AGL: variants seen among roughly 807,000 people sequenced by gnomAD.
The protein encoded by AGL is amylo-alpha-1,6-glucosidase and 4-alpha-glucanotransferase, also known as glycogen debranching enzyme.
AGL carries 128 observed loss-of-function variants against 199.3 expected under a neutral mutation model. The ratio of observed to expected loss-of-function variants is 0.64; its 90% CI spans 0.56 to 0.74. AGL has a LOEUF of 0.74. AGL is among the 30% of genes least tolerant of loss of function. AGL has a pLI of 0.00. For missense variants in AGL, 1,809 were observed against 1,820.8 expected (o/e 0.99, Z 0.12); for synonymous variants, 584 against 594.7 (o/e 0.98, Z 0.26).
At chr1:99,859,354 GTT>G (rs3834029) in intron 2 of AGL, among the ~76,000 whole-genome samples, 6 of 144,346 alleles carry the variant, frequency 4.2e-5, no homozygotes, top group African/African-American at 1.5e-4. Flanking sequence ...TTTTTTCTGT[GTT>G]TTTTTTTTAA....
At chr1:99,865,375 TTA>T (rs1650422376) in intron 5 of AGL, among the ~76,000 whole-genome samples, 1 of 152,214 alleles carries the variant, frequency 6.6e-6, no homozygotes, top group Non-Finnish European at 1.5e-5. Flanking sequence ...GAGAAACTTA[TTA>T]GTAAACTCTC....
chr1:99,854,902 T>A (rs1223020636), intron 2 of AGL, among the ~76,000 whole-genome samples: 1 of 151,784 alleles, frequency 6.6e-6, no homozygotes, highest in Non-Finnish European at 1.5e-5. Flanking sequence ...CAGCCTGAGT[T>A]GAAAAAGAGA....
At chr1:99,900,410 G>A (rs1653731746) in intron 25 of AGL, among the ~76,000 whole-genome samples, 1 of 152,130 alleles carries the variant, frequency 6.6e-6, no homozygotes, top group African/African-American at 2.4e-5. Context: ...ATCAGAGAGG[G>A]AGTCACACAG....
At position 99,916,701 on chromosome 1, in the gene AGL, T is replaced by A; in HGVS notation, c.4451T>A (p.Val1484Asp). ...TAKTIVLVKN[V>D]LSRHYVHLER... ...AAGACTATAGTTTTGGTTAAAAATG[T>A]TCTTTCCCGACATTATGTTCATCTT... The change falls in exon 33 of 34, where the codon GTT (valine) becomes GAT (aspartate). Residue 1484 changes from valine (V) to aspartate (D), a missense_variant. Coordinates refer to ENST00000361915, the MANE Select transcript of AGL (RefSeq NM_000642.3). The A allele has an allele frequency of 6.2e-7, 1 of 1,613,452 alleles. No homozygotes were observed. Among genetic ancestry groups the A allele is most frequent in the Non-Finnish European group, 8.5e-7 (1 of 1,179,574 alleles).
chr1:99,881,160 G>A lies in AGL; in HGVS notation c.1984G>A (p.Glu662Lys). Residue 662 changes from glutamate to lysine, a missense_variant, in exon 15 of 34, where the codon GAA becomes AAA. Physicochemically the swap from Glu to Lys is moderately conservative, Grantham distance 56. Coordinates refer to ENST00000361915, the MANE Select transcript of AGL (RefSeq NM_000642.3). ...TAGTGGAAGTACAAGAGGCTATGAT[G>A]AATTAGTGCCTCATCAGGTTTGTTT... ...CASGSTRGYD[E>K]LVPHQISVVS... 6.2e-7 allele frequency: 1 copy of A among 1,613,742 alleles called. No homozygotes were observed. Among genetic ancestry groups the A allele is most frequent in the Non-Finnish European group, 8.5e-7 (1 of 1,179,734 alleles).
chr1:99,854,917 A>G (rs1346338592), intron 2 of AGL, among the ~76,000 whole-genome samples: 1 of 148,488 alleles, frequency 6.7e-6, no homozygotes, highest in Non-Finnish European at 1.5e-5. Flanking sequence ...AAGAGAGGAC[A>G]AGGCCAGGCG....
At chr1:99,884,310 T>C (rs1322674086) in intron 18 of AGL, 29 bp from the exon 19 acceptor site, 1 of 1,612,228 alleles carries the variant, frequency 6.2e-7, no homozygotes, top group Non-Finnish European at 8.5e-7. Flanking sequence ...ATTTGTTGAA[T>C]GGATTTTTTT....
intron 2 of AGL, among the ~76,000 whole-genome samples, chr1:99,855,306 C>T (rs551174672): frequency 6.6e-6 from 1 of 152,006 alleles, no homozygotes; most frequent in Non-Finnish European, 1.5e-5. Flanking sequence ...CAGTTTTTGG[C>T]TGTTTCATAT....
At position 99,862,478 on chromosome 1, in the gene AGL, C is replaced by T. The variant is rs954658748; in HGVS notation, c.460+55C>T. On this transcript the variant is annotated intron_variant, in intron 4 of 33. Coordinates refer to ENST00000361915, the MANE Select transcript of AGL (RefSeq NM_000642.3). ...TTAAAAAAATAAATGTAATTATCCT[C>T]TGTGATATAGATTTCAAAAGTTTTG... 10 of 1,583,264 alleles carry T rather than the reference C, an allele frequency of 6.3e-6. No individual in the cohort carries two copies. The African/African-American group carries it at 1.4e-4, about 21-fold the overall frequency.
chr1:99,899,652 G>A (rs1328761976), intron 25 of AGL, among the ~76,000 whole-genome samples: 3 of 142,504 alleles, frequency 2.1e-5, no homozygotes, highest in Non-Finnish European at 3.0e-5. Context: ...ACTGAGTCTC[G>A]CTCTGCCATC....
rs71075465 is a variant in AGL at position 99,907,693 on chromosome 1, G to GTTTTTTTTTTTTTTTTTTTTTTTTT, written c.3701-3011_3701-3010insTTTTTTTTTTTTTTTTTTTTTTTTT. On this transcript the variant is annotated intron_variant, in intron 27 of 33. Coordinates refer to ENST00000361915, the MANE Select transcript of AGL (RefSeq NM_000642.3). ...TTTTGTTCGTTTGTTTTTGTTTTTTGTTTTTTTTGCTAGTAGCCATCCTAA... is the reference window on the plus strand; with the variant it reads ...TTTTGTTCGTTTGTTTTTGTTTTTTGTTTTTTTTTTTTTTTTTTTTTTTTTTTTTTTTTGCTAGTAGCCATCCTAA... Among the ~76,000 whole-genome samples, 18 of 118,970 alleles carry GTTTTTTTTTTTTTTTTTTTTTTTTT rather than the reference G, an allele frequency of 1.5e-4. 2 individuals carry two copies. Among genetic ancestry groups the GTTTTTTTTTTTTTTTTTTTTTTTTT allele is most frequent in the East Asian group, 2.7e-4 (1 of 3,682 alleles). The allele number at this position is 118,970 out of a possible 152,430, so 78.0% of individuals were successfully genotyped here.
chr1:99,865,778 C>G (rs1650453219), intron 5 of AGL, among the ~76,000 whole-genome samples: 1 of 152,092 alleles, frequency 6.6e-6, no homozygotes, highest in African/African-American at 2.4e-5. Flanking sequence ...ACCATAGAAA[C>G]TATGAAGATA....
intron 2 of AGL, among the ~76,000 whole-genome samples, chr1:99,857,736 G>A (rs1455277636): frequency 1.1e-5 from 1 of 87,056 alleles, no homozygotes; most frequent in East Asian, 3.6e-4. Context: ...CAGGCAGGGA[G>A]GTTGCAGTGA....
At chr1:99,909,080 G>A (rs1160282150) in intron 27 of AGL, among the ~76,000 whole-genome samples, 1 of 151,996 alleles carries the variant, frequency 6.6e-6, no homozygotes, top group East Asian at 1.9e-4. Flanking sequence ...AGTGTGAGGG[G>A]CACCCCATCA....
At chr1:99,880,939 G>A in intron 14 of AGL, 137 bp from the exon 15 acceptor site, 1 of 1,261,936 alleles carries the variant, frequency 7.9e-7, no homozygotes, top group South Asian at 1.2e-5. Context: ...TTTTCAGAAT[G>A]TTTTACTTGT....
At chr1:99,852,439 G>A in intron 2 of AGL, 2 of 476,282 alleles carry the variant, frequency 4.2e-6, no homozygotes, top group Non-Finnish European at 7.5e-6. Context: ...GCATGATCAT[G>A]GCTCAGTGCT....
Position 99,884,314 on chromosome 1 carries a change from TTTTTTTAATGTAC to T in AGL, c.2434-18_2434-6del. ...ACATTAGAACTATTTGTTGAATGGA[TTTTTTTAATGTAC>T]TTTTTTTCAAGCTTAATGAAAGTAA... On this transcript the variant is annotated splice_polypyrimidine_tract_variant and intron_variant, in intron 18 of 33. Transcript: ENST00000361915. 1 of 1,612,124 alleles carries T rather than the reference TTTTTTTAATGTAC, an allele frequency of 6.2e-7. No individual in the cohort carries two copies. Among genetic ancestry groups the T allele is most frequent in the Non-Finnish European group, 8.5e-7 (1 of 1,178,494 alleles).
Position 99,870,364 on chromosome 1 carries a change from T to C in AGL, c.665-36T>C, listed in dbSNP as rs201262760. 96 of 1,586,014 alleles carry C rather than the reference T, an allele frequency of 6.1e-5. No individual in the cohort carries two copies. In the African/African-American group the frequency reaches 1.2e-3, roughly 20 times the overall value. Reference sequence around the variant, plus strand: ...AACATAGATACAGTTTCAATTTAATTATGAGATACTCCTTTGTGTCTCCTT... The same window carrying C: ...AACATAGATACAGTTTCAATTTAATCATGAGATACTCCTTTGTGTCTCCTT... On this transcript the variant is annotated intron_variant, in intron 5 of 33. Coordinates refer to ENST00000361915, the MANE Select transcript of AGL (RefSeq NM_000642.3).
intron 20 of AGL, 60 bp from the exon 21 acceptor site, chr1:99,887,918 G>A: frequency 1.4e-5 from 22 of 1,583,266 alleles, no homozygotes; most frequent in Admixed American, 3.4e-5. Context: ...TTCTTCTTTT[G>A]TTTCTATTGA....
Sources: gnomAD v4.1 joint callset for allele counts (sites outside exome capture counted in the v4.1 genomes callset) on GRCh38, gnomAD v4.1.1 for gene constraint, MANE v1.5 for transcripts, NCBI Gene and HGNC (gene_info 2026-07-23, HGNC 2026-07-21) for gene names.